Variants in SACS observed in about 807,000 individuals in gnomAD.
SACS encodes sacsin.
A neutral mutation model predicts 348.0 loss-of-function variants in SACS; 197 were observed. The observed-to-expected ratio is 0.57, with a 90% CI of 0.50 to 0.64. The LOEUF (loss-of-function observed/expected upper bound fraction) is 0.64, where lower values mean the gene tolerates loss of function less well. Among genes scored for constraint, SACS ranks in the 30% least tolerant of loss-of-function variants. The pLI is 0.00. For missense variants in SACS, 4,999 were observed against 5,360.8 expected (o/e 0.93, Z 2.11); for synonymous variants, 1,985 against 1,910.6 (o/e 1.04, Z -1.02).
chr13:23,424,315 C>T (rs765323506), intron 1 of SACS, among the ~76,000 whole-genome samples: 2 of 152,174 alleles, frequency 1.3e-5, no homozygotes, highest in Admixed American at 1.3e-4. Context: ...CACCTGAGGT[C>T]GGGAGTTCGA....
In SACS at chr13:23,339,113, A is replaced by G. The variant is rs771762428; in HGVS notation, c.4763T>C (p.Ile1588Thr). Reference sequence around the variant, plus strand: ...GGATTTGTCTTTAATGTGTTTACTGATATGATTTATGTTTGGATCGAACAT... The same window carrying G: ...GGATTTGTCTTTAATGTGTTTACTGGTATGATTTATGTTTGGATCGAACAT... The part of the protein sequence containing the change: ...MIMFDPNINH[I>T]SKHIKDKSNP... The change falls in exon 10 of 10, where the codon ATC becomes ACC. Residue 1588 changes from isoleucine (I) to threonine (T), a missense_variant. Transcript: ENST00000382292. 6.2e-7 allele frequency: 1 copy of G among 1,610,998 alleles called. No homozygotes were observed. Among genetic ancestry groups the G allele is most frequent in the Non-Finnish European group, 8.5e-7 (1 of 1,178,276 alleles).
At chr13:23,359,642 A>T (rs956546765) in intron 6 of SACS, among the ~76,000 whole-genome samples, 1 of 152,222 alleles carries the variant, frequency 6.6e-6, no homozygotes, top group African/African-American at 2.4e-5. Context: ...AATCTCTAAC[A>T]TTCTTTGAAT....
intron 6 of SACS, among the ~76,000 whole-genome samples, chr13:23,362,342 T>A (rs1870789143): frequency 6.6e-6 from 1 of 152,174 alleles, no homozygotes; most frequent in South Asian, 2.1e-4. Context: ...GATTTGACAA[T>A]CTGAGCCTTT....
intron 2 of SACS, among the ~76,000 whole-genome samples, chr13:23,396,323 CAAAA>C (rs61118133): frequency 4.5e-5 from 5 of 110,750 alleles, no homozygotes; most frequent in Admixed American, 9.5e-5. Context: ...GAATCTGTCT[CAAAA>C]AAAAAAAAAA....
chr13:23,359,416 GT>G lies in SACS; in HGVS notation c.458-936del, dbSNP rs545575402. ...AATAATCACCTTGTAAGTGTTTGAA[GT>G]TTTTTTATCAGCCTCTAGATTGTTC... is the stretch of plus-strand genomic sequence containing the variant. On this transcript the variant is annotated intron_variant, in intron 6 of 9. Transcript: ENST00000382292. Among the ~76,000 whole-genome samples the G allele has an allele frequency of 4.9e-3, 741 of 152,112 alleles. 8 individuals carry two copies. Among genetic ancestry groups the G allele is most frequent in the African/African-American group, 0.017 (686 of 41,532 alleles).
Position 23,333,366 on chromosome 13 carries a change from A to T in SACS, c.10510T>A (p.Leu3504Ile), listed in dbSNP as rs771474242. ...TCTGATAATTCCTCAGCACTTGATA[A>T]TCTATTCTTAAGGTAGATCAAGTGC... ...LEHLIYLKNR[L>I]SSAEELSEIK... Residue 3504 changes from leucine (L) to isoleucine (I), a missense_variant, in exon 10 of 10, where the codon TTA (leucine) becomes ATA (isoleucine). Coordinates refer to ENST00000382292, the MANE Select transcript of SACS (RefSeq NM_014363.6). 6.3e-7 allele frequency: 1 copy of T among 1,597,588 alleles called. No homozygotes were observed. Among genetic ancestry groups the T allele is most frequent in the Non-Finnish European group, 8.5e-7 (1 of 1,174,584 alleles).
intron 1 of SACS, chr13:23,427,995 T>G (rs559796203): frequency 2.0e-5 from 3 of 152,190 alleles, no homozygotes; most frequent in Non-Finnish European, 2.9e-5. Flanking sequence ...TCCTTCGCTT[T>G]TCATAGTTTT....
intron 1 of SACS, among the ~76,000 whole-genome samples, chr13:23,420,397 G>A (rs539825266): frequency 6.9e-4 from 102 of 148,292 alleles, no homozygotes; most frequent in African/African-American, 2.1e-3. Flanking sequence ...AATGTCCACC[G>A]GTGGCCCAAT....
intron 1 of SACS, among the ~76,000 whole-genome samples, chr13:23,432,197 T>G (rs2045522031): frequency 6.6e-6 from 1 of 152,210 alleles, no homozygotes; most frequent in African/African-American, 2.4e-5. Context: ...GCTTCAGATG[T>G]AAGCAAACCT....
Position 23,333,356 on chromosome 13 carries a change from G to T in SACS, c.10520C>A (p.Ala3507Asp). 6.3e-7 allele frequency: 1 copy of T among 1,597,652 alleles called. No individual in the cohort carries two copies. Among genetic ancestry groups the T allele is most frequent in the Middle Eastern group, 1.7e-4 (1 of 5,938 alleles). ...TTCCTTAATCTCTGATAATTCCTCA[G>T]CACTTGATAATCTATTCTTAAGGTA... Reference protein sequence around the residue: ...LIYLKNRLSSAEELSEIKEQL... With the variant: ...LIYLKNRLSSDEELSEIKEQL... Residue 3507 changes from alanine to aspartate, a missense_variant, in exon 10 of 10, where the codon GCT becomes GAT. Physicochemically the swap from Ala to Asp is moderately radical, Grantham distance 126. Around this residue, in one of 6 missense-constraint regions of SACS, gnomAD observed 734 missense variants for 694.0 expected, o/e 1.06. Coordinates refer to ENST00000382292, the MANE Select transcript of SACS (RefSeq NM_014363.6).
chr13:23,418,393 C>T (rs1873772142), intron 1 of SACS, among the ~76,000 whole-genome samples: 1 of 152,012 alleles, frequency 6.6e-6, no homozygotes, highest in African/African-American at 2.4e-5. Flanking sequence ...GCTTTTTGTT[C>T]CTTAATAATT....
chr13:23,376,639 T>C (rs947240246), intron 2 of SACS, among the ~76,000 whole-genome samples: 1 of 152,162 alleles, frequency 6.6e-6, no homozygotes, highest in African/African-American at 2.4e-5. Context: ...AAAAAGGGAA[T>C]GATAGAAGTC....
intron 1 of SACS, among the ~76,000 whole-genome samples, chr13:23,419,967 C>A (rs1357821852): frequency 6.6e-6 from 1 of 152,136 alleles, no homozygotes; most frequent in Non-Finnish European, 1.5e-5. Context: ...TAGCTGCCCA[C>A]ATGGGTCCTT....
rs534653618 is a variant in SACS, at chr13:23,400,666, CG to C, written c.20+10553del. 3.9e-3 allele frequency among the ~76,000 whole-genome samples: 601 copies of C among 152,270 alleles called. 5 individuals are homozygous for C. The highest frequency in any genetic ancestry group is 7.1e-3 in the Non-Finnish European group (483 of 68,026). The stretch of plus-strand genomic sequence containing the variant: ...CGATCTCCTGACCTCGTGATCCGCC[CG>C]CCTCGGCCTCCCAAAGTGCTGTGAT... On this transcript the variant is annotated intron_variant, in intron 2 of 9. Coordinates refer to ENST00000382292, the MANE Select transcript of SACS (RefSeq NM_014363.6).
intron 1 of SACS, among the ~76,000 whole-genome samples, chr13:23,431,244 C>G (rs985208418): frequency 6.6e-6 from 1 of 152,202 alleles, no homozygotes; most frequent in Non-Finnish European, 1.5e-5. Context: ...TTCTATGTCT[C>G]TTGCCTTAGA....
intron 2 of SACS, among the ~76,000 whole-genome samples, chr13:23,396,774 T>G (rs1055896386): frequency 1.3e-5 from 2 of 152,190 alleles, no homozygotes; most frequent in African/African-American, 4.8e-5. Flanking sequence ...TTAACTTAAA[T>G]AGTTAAGATG....
rs775906328 is a variant in SACS at position 23,354,714 on chromosome 13, T to C, written c.1898A>G (p.Gln633Arg). 6.2e-7 allele frequency: 1 copy of C among 1,613,798 alleles called. No homozygotes were observed. Among genetic ancestry groups the C allele is most frequent in the Non-Finnish European group, 8.5e-7 (1 of 1,179,744 alleles). ...VRKVTPAWVR[Q>R]VLRKCAHLGC... is the part of the protein sequence containing the mutation. Reference sequence around the variant, plus strand: ...CAGGTGTGCACACTTCCGCAGCACCTGCCGCACCCACGCGGGCGTCACCTT... The same window carrying C: ...CAGGTGTGCACACTTCCGCAGCACCCGCCGCACCCACGCGGGCGTCACCTT... The change falls in exon 8 of 10, where the codon CAG (glutamine) becomes CGG (arginine). Residue 633 changes from glutamine to arginine, a missense_variant. By Grantham distance (43) the Gln-to-Arg change is conservative (BLOSUM62 1). Around this residue, in one of 6 missense-constraint regions of SACS, gnomAD observed 3,156 missense variants for 3,380.1 expected, o/e 0.93. Coordinates refer to ENST00000382292, the MANE Select transcript of SACS (RefSeq NM_014363.6).
chr13:23,393,464 G>A (rs7999839), intron 2 of SACS, among the ~76,000 whole-genome samples: 25,316 of 151,926 alleles, frequency 0.17, 2,294 homozygotes, highest in South Asian at 0.28. Flanking sequence ...ACCCGTGTTC[G>A]CTGCTCATTT....
At chr13:23,381,086 C>A (rs1872033707) in intron 2 of SACS, among the ~76,000 whole-genome samples, 1 of 152,178 alleles carries the variant, frequency 6.6e-6, no homozygotes, top group Non-Finnish European at 1.5e-5. Flanking sequence ...CGACGCAGGA[C>A]CCAAAGATGG....
Sources: allele counts gnomAD v4.1 joint callset (sites outside exome capture counted in the v4.1 genomes callset), GRCh38; gene constraint gnomAD v4.1.1; regional missense constraint gnomAD v4.1.1; transcripts MANE v1.5; gene names NCBI Gene and HGNC (gene_info 2026-07-23, HGNC 2026-07-21).